The following CENPP variants were observed in gnomAD, a reference collection of about 807,000 sequenced individuals.
CENPP encodes the protein centromere protein P.
Under a neutral mutation model 35.6 loss-of-function variants are expected in CENPP, and 24 were observed. The observed-to-expected ratio is 0.67, with a 90% CI of 0.49 to 0.95. The LOEUF is 0.95. Ranked by LOEUF, CENPP falls within the 40% of genes least tolerant of loss-of-function variation. CENPP has a pLI of 0.00. For synonymous variants in CENPP, 120 were observed against 125.5 expected (o/e 0.96, Z 0.29); for missense variants, 332 against 345.3 (o/e 0.96, Z 0.31).
intron 5 of CENPP, among the ~76,000 whole-genome samples, chr9:92,416,386 T>C (rs1843613651): frequency 6.6e-6 from 1 of 152,056 alleles, no homozygotes; most frequent in Non-Finnish European, 1.5e-5. Context: ...ATTACAGGCA[T>C]GAGCCACCAC....
chr9:92,371,405 G>A (rs762921328), intron 4 of CENPP, among the ~76,000 whole-genome samples: 8 of 152,128 alleles, frequency 5.3e-5, no homozygotes, highest in Non-Finnish European at 1.2e-4. Flanking sequence ...TAATTTCCAT[G>A]TATGTGTATA....
chr9:92,351,350 C>T (rs892495443), intron 4 of CENPP, among the ~76,000 whole-genome samples: 24 of 151,894 alleles, frequency 1.6e-4, no homozygotes, highest in Admixed American at 1.2e-3. Context: ...CATGGTGGCA[C>T]GTGACTGTAG....
intron 5 of CENPP, among the ~76,000 whole-genome samples, chr9:92,533,303 CAAAAAAAAAA>C (rs1174584000): frequency 8.7e-4 from 26 of 29,880 alleles, no homozygotes; most frequent in African/African-American, 3.0e-3. Flanking sequence ...CGGTCTCAAA[CAAAAAAAAAA>C]AAAAAAAAAA....
intron 6 of CENPP, among the ~76,000 whole-genome samples, chr9:92,611,855 T>C (rs1259494392): frequency 6.6e-5 from 10 of 152,208 alleles, no homozygotes; most frequent in Admixed American, 6.5e-4. Flanking sequence ...TGGCTGTGCA[T>C]GTGTGGACAT....
At chr9:92,394,948 A>C (rs1842835252) in intron 5 of CENPP, among the ~76,000 whole-genome samples, 1 of 152,094 alleles carries the variant, frequency 6.6e-6, no homozygotes, top group South Asian at 2.1e-4. Context: ...ATCAATATGA[A>C]TTGTGTCCCA....
intron 5 of CENPP, among the ~76,000 whole-genome samples, chr9:92,551,972 T>C (rs1849608804): frequency 3.2e-5 from 2 of 61,934 alleles, no homozygotes; most frequent in East Asian, 4.8e-4. Flanking sequence ...ATGTGTGATA[T>C]ATATGTGTGT....
chr9:92,506,053 C>T (rs1846987498), intron 5 of CENPP, among the ~76,000 whole-genome samples: 1 of 152,036 alleles, frequency 6.6e-6, no homozygotes, highest in Non-Finnish European at 1.5e-5. Context: ...ATTTGGAATT[C>T]AGGTAGGAAA....
At chr9:92,361,329 C>T (rs370704855) in intron 4 of CENPP, among the ~76,000 whole-genome samples, 11 of 151,448 alleles carry the variant, frequency 7.3e-5, no homozygotes, top group East Asian at 1.9e-4. Flanking sequence ...TTAGCAGAGA[C>T]GGGGTTTCGC....
At chr9:92,592,230 T>G (rs1330266060) in intron 5 of CENPP, among the ~76,000 whole-genome samples, 1 of 152,158 alleles carries the variant, frequency 6.6e-6, no homozygotes, top group African/African-American at 2.4e-5. Flanking sequence ...TGAACTTGTA[T>G]GACCACCACT....
chr9:92,609,789 G>A (rs897334636), intron 5 of CENPP, among the ~76,000 whole-genome samples: 5 of 152,024 alleles, frequency 3.3e-5, no homozygotes, highest in African/African-American at 1.2e-4. Flanking sequence ...CAGGCTGGAT[G>A]GAGTGCAGTG....
chr9:92,426,815 C>T (rs867885963), intron 5 of CENPP, among the ~76,000 whole-genome samples: 3 of 152,162 alleles, frequency 2.0e-5, no homozygotes, highest in African/African-American at 7.2e-5. Context: ...AATATAGATA[C>T]AGCTGGTTAA....
At chr9:92,480,819 C>T (rs1845887154) in intron 5 of CENPP, among the ~76,000 whole-genome samples, 1 of 152,042 alleles carries the variant, frequency 6.6e-6, no homozygotes, top group African/African-American at 2.4e-5. Flanking sequence ...TATATTTCAC[C>T]GAAGGAATCC....
At chr9:92,348,347 A>C (rs960495363) in intron 4 of CENPP, among the ~76,000 whole-genome samples, 4 of 151,192 alleles carry the variant, frequency 2.6e-5, no homozygotes, top group African/African-American at 9.7e-5. Flanking sequence ...CATTTGATTC[A>C]GATTTCTAAC....
intron 5 of CENPP, among the ~76,000 whole-genome samples, chr9:92,460,137 G>A (rs1251162260): frequency 1.3e-5 from 2 of 149,904 alleles, no homozygotes; most frequent in Admixed American, 1.3e-4. Context: ...CACAGTCTTG[G>A]CTCACTGCAA....
chr9:92,471,814 C>A (rs1336698124), intron 5 of CENPP, among the ~76,000 whole-genome samples: 1 of 151,934 alleles, frequency 6.6e-6, no homozygotes, highest in Non-Finnish European at 1.5e-5. Flanking sequence ...TGTGTACCAC[C>A]ATGCCTGGCT....
At chr9:92,505,439 A>T in intron 5 of CENPP, 1 of 1,134,630 alleles carries the variant, frequency 8.8e-7, no homozygotes, top group Non-Finnish European at 1.2e-6. Flanking sequence ...ACTAGAGTTT[A>T]ATTTACATCA....
chr9:92,540,160 C>T (rs944679166), intron 5 of CENPP, among the ~76,000 whole-genome samples: 10 of 152,126 alleles, frequency 6.6e-5, no homozygotes, highest in Non-Finnish European at 5.9e-5. Context: ...TGAGATCAGC[C>T]GGGCGCGGTG....
chr9:92,461,940 T>A (rs370611134), intron 5 of CENPP, among the ~76,000 whole-genome samples: 2 of 152,114 alleles, frequency 1.3e-5, no homozygotes, highest in African/African-American at 4.8e-5. Context: ...TTACCCTATT[T>A]GATATGTTCA....
chr9:92,504,479 CG>C (rs1389725622), intron 5 of CENPP, among the ~76,000 whole-genome samples: 1 of 152,142 alleles, frequency 6.6e-6, no homozygotes, highest in Non-Finnish European at 1.5e-5. Context: ...TGGGTTCCCA[CG>C]GGGTCTGCCA....
Sources: gnomAD v4.1 joint callset for allele counts (sites outside exome capture counted in the v4.1 genomes callset) on GRCh38, gnomAD v4.1.1 for gene constraint, MANE v1.5 for transcripts, NCBI Gene and HGNC (gene_info 2026-07-23, HGNC 2026-07-21) for gene names.